The following TBXAS1 variants were observed in gnomAD, a reference collection of about 807,000 sequenced individuals.
TBXAS1 encodes thromboxane-A synthase.
A neutral mutation model predicts 60.7 loss-of-function variants in TBXAS1; 48 were observed. That is an observed-to-expected ratio of 0.79 (90% CI 0.63 to 1.01). The LOEUF is 1.01. TBXAS1 is among the 50% of genes least tolerant of loss of function. The pLI, the probability that TBXAS1 is intolerant of heterozygous loss-of-function variation, is 0.00. For missense variants in TBXAS1, 685 were observed against 686.3 expected (o/e 1.00, Z 0.02); for synonymous variants, 287 against 269.7 (o/e 1.06, Z -0.63).
chr7:139,991,490 A>G (rs1013976164), intron 9 of TBXAS1, among the ~76,000 whole-genome samples: 4 of 152,298 alleles, frequency 2.6e-5, no homozygotes, highest in East Asian at 1.9e-4. Context: ...CACAGGCCCA[A>G]TGGAATGACT....
intron 7 of TBXAS1, among the ~76,000 whole-genome samples, chr7:139,956,981 T>C (rs1809915829): frequency 6.6e-6 from 1 of 152,196 alleles, no homozygotes. Context: ...GAACCCACAA[T>C]GGAAGCTGAG....
chr7:139,791,164 T>C (rs569722284), intron 4 of TBXAS1, among the ~76,000 whole-genome samples: 180 of 152,312 alleles, frequency 1.2e-3, no homozygotes, highest in Non-Finnish European at 2.6e-4. Flanking sequence ...ACTAATATAG[T>C]GGAAGCCATT....
chr7:139,877,387 G>T (rs1055601855), intron 3 of TBXAS1, among the ~76,000 whole-genome samples: 7 of 152,106 alleles, frequency 4.6e-5, no homozygotes, highest in African/African-American at 1.7e-4. Context: ...ACCGTTGTGT[G>T]GTTCTATTGC....
intron 2 of TBXAS1, among the ~76,000 whole-genome samples, chr7:139,781,606 C>T (rs1796991339): frequency 2.0e-5 from 3 of 151,744 alleles, no homozygotes; most frequent in Admixed American, 2.0e-4. Context: ...CTGAGGCAGG[C>T]AGATCACCTG....
At chr7:139,869,848 G>A (rs979442163) in intron 1 of TBXAS1, among the ~76,000 whole-genome samples, 1 of 152,162 alleles carries the variant, frequency 6.6e-6, no homozygotes, top group African/African-American at 2.4e-5. Flanking sequence ...GGTTAAGAAC[G>A]TGTTGAGACA....
At chr7:139,922,255 C>T (rs988979166) in intron 4 of TBXAS1, among the ~76,000 whole-genome samples, 4 of 152,022 alleles carry the variant, frequency 2.6e-5, no homozygotes, top group African/African-American at 9.7e-5. Flanking sequence ...ACATGTGCCA[C>T]CATGCCCGGC....
chr7:139,974,627 A>G (rs941340922), intron 9 of TBXAS1, among the ~76,000 whole-genome samples: 1 of 152,208 alleles, frequency 6.6e-6, no homozygotes, highest in African/African-American at 2.4e-5. Context: ...TGTAGCTCAT[A>G]AGGTTGTCAC....
In TBXAS1 at chr7:139,857,869, T is replaced by C. The variant is rs540185441; in HGVS notation, c.90-14366T>C. 3.3e-5 allele frequency among the ~76,000 whole-genome samples: 5 copies of C among 152,184 alleles called. No individual in the cohort carries two copies. The East Asian group carries it at 9.7e-4, about 29-fold the overall frequency. On this transcript the variant is annotated intron_variant, in intron 1 of 12. Coordinates refer to ENST00000448866, the MANE Select transcript of TBXAS1 (RefSeq NM_001061.7). The stretch of plus-strand genomic sequence containing the variant: ...CCTCAGCCTCCCAAGTAGGTGGGTC[T>C]ACAGGCACACACCACCACACCTGGC...
intron 9 of TBXAS1, among the ~76,000 whole-genome samples, chr7:139,993,930 T>C (rs1256984521): frequency 6.8e-6 from 1 of 147,460 alleles, no homozygotes; most frequent in East Asian, 2.0e-4. Flanking sequence ...AGTCTCACTC[T>C]GCCACCCAGG....
At chr7:139,829,617 A>G (rs1410313889) in intron 1 of TBXAS1, 138 bp downstream of exon 1, 2 of 795,726 alleles carry the variant, frequency 2.5e-6, no homozygotes, top group African/African-American at 3.4e-5. Context: ...ACACAGCTTC[A>G]GAATTAAAAG....
intron 4 of TBXAS1, among the ~76,000 whole-genome samples, chr7:139,934,865 T>G (rs752259950): frequency 6.6e-6 from 1 of 152,142 alleles, no homozygotes; most frequent in Non-Finnish European, 1.5e-5. Flanking sequence ...TAGGCTGGAG[T>G]GCAGTGGCGC....
intron 9 of TBXAS1, among the ~76,000 whole-genome samples, chr7:139,984,640 G>GAGAAAGAA (rs72314614): frequency 1.0e-5 from 1 of 99,786 alleles, no homozygotes; most frequent in African/African-American, 3.9e-5. Flanking sequence ...GAGAGAGAGA[G>GAGAAAGAA]AGAAAGAAAG....
chr7:139,986,841 G>A (rs1475357203), intron 9 of TBXAS1, among the ~76,000 whole-genome samples: 1 of 144,830 alleles, frequency 6.9e-6, no homozygotes, highest in Non-Finnish European at 1.5e-5. Flanking sequence ...TTATCCACTA[G>A]TTGATGGGCA....
intron 9 of TBXAS1, among the ~76,000 whole-genome samples, chr7:139,983,404 A>T (rs796792295): frequency 2.3e-4 from 35 of 152,338 alleles, no homozygotes; most frequent in African/African-American, 7.9e-4. Flanking sequence ...TATCTGTTAT[A>T]AAGATTCCCT....
chr7:139,855,547 A>C (rs1800522965), intron 1 of TBXAS1, among the ~76,000 whole-genome samples: 1 of 152,070 alleles, frequency 6.6e-6, no homozygotes, highest in Non-Finnish European at 1.5e-5. Context: ...CATGAAAGAC[A>C]ATTTGAGATC....
At chr7:139,974,335 G>A (rs1811417148) in intron 9 of TBXAS1, among the ~76,000 whole-genome samples, 1 of 152,154 alleles carries the variant, frequency 6.6e-6, no homozygotes, top group Non-Finnish European at 1.5e-5. Flanking sequence ...CCTCTCTCTG[G>A]GACACTCGGC....
upstream of TBXAS1, among the ~76,000 whole-genome samples, chr7:139,826,987 T>C: frequency 1.3e-5 from 2 of 152,164 alleles, 1 homozygote. Context: ...GGGTCAGGTG[T>C]GGTCCTCCTT....
intron 4 of TBXAS1, among the ~76,000 whole-genome samples, chr7:139,820,857 G>T (rs940036550): frequency 5.9e-5 from 9 of 152,114 alleles, no homozygotes; most frequent in Middle Eastern, 3.2e-3. Flanking sequence ...TGAATAAGAG[G>T]TCAATCAGGA....
At chr7:139,890,664 T>C (rs1438558059) in intron 3 of TBXAS1, among the ~76,000 whole-genome samples, 1 of 152,182 alleles carries the variant, frequency 6.6e-6, no homozygotes, top group African/African-American at 2.4e-5. Flanking sequence ...AGACAACCAT[T>C]AATAGAAATA....
Sources: gnomAD v4.1 joint callset for allele counts (sites outside exome capture counted in the v4.1 genomes callset) on GRCh38, gnomAD v4.1.1 for gene constraint, MANE v1.5 for transcripts, NCBI Gene and HGNC (gene_info 2026-07-23, HGNC 2026-07-21) for gene names.